THSD7A: variants seen among roughly 807,000 people sequenced by gnomAD.
THSD7A encodes thrombospondin type 1 domain containing 7A, also known as thrombospondin type-1 domain-containing protein 7A.
In THSD7A, 96 loss-of-function variants were observed where a neutral mutation model predicts 231.3. The observed-to-expected ratio is 0.41, with a 90% CI of 0.35 to 0.49. The LOEUF (loss-of-function observed/expected upper bound fraction) is 0.49. THSD7A is among the 20% of genes least tolerant of loss of function. The pLI is 0.05. For missense variants in THSD7A, 2,290 were observed against 2,070.2 expected, an observed-to-expected ratio of 1.11 and a Z score of -2.06; for synonymous variants, 940 against 743.3, an observed-to-expected ratio of 1.26 and a Z score of -4.30.
At chr7:11,699,960 C>G (rs555015552) in intron 1 of THSD7A, among the ~76,000 whole-genome samples, 1 of 151,294 alleles carries the variant, frequency 6.6e-6, no homozygotes, top group Non-Finnish European at 1.5e-5. Context: ...AATCTTTTCA[C>G]TTACTTAAAA....
intron 4 of THSD7A, among the ~76,000 whole-genome samples, chr7:11,550,462 G>A (rs1789580063): frequency 2.6e-5 from 4 of 152,112 alleles, no homozygotes; most frequent in African/African-American, 9.7e-5. Flanking sequence ...GGCAGGAGGC[G>A]AGTGGATCAT....
chr7:11,718,411 G>A (rs938427148), intron 1 of THSD7A, among the ~76,000 whole-genome samples: 2 of 151,612 alleles, frequency 1.3e-5, no homozygotes. Context: ...ATTATCAGAT[G>A]TGTCACAGGC....
At chr7:11,792,338 T>A (rs1316784159) in intron 1 of THSD7A, among the ~76,000 whole-genome samples, 1 of 151,960 alleles carries the variant, frequency 6.6e-6, no homozygotes, top group East Asian at 1.9e-4. Flanking sequence ...TAAATGTCAT[T>A]TTCCTGCTGA....
intron 2 of THSD7A, among the ~76,000 whole-genome samples, chr7:11,620,077 A>T (rs918119878): frequency 6.6e-6 from 1 of 152,188 alleles, no homozygotes. Context: ...TAATGTGATG[A>T]ACTGTCTCAA....
chr7:11,509,711 A>T (rs1484159561), intron 6 of THSD7A, among the ~76,000 whole-genome samples: 4 of 149,920 alleles, frequency 2.7e-5, no homozygotes, highest in African/African-American at 9.8e-5. Flanking sequence ...AGTCCCAGCT[A>T]CTCGGGAGGC....
intron 8 of THSD7A, among the ~76,000 whole-genome samples, chr7:11,472,988 C>T (rs1289801804): frequency 1.3e-5 from 2 of 152,152 alleles, no homozygotes; most frequent in African/African-American, 4.8e-5. Context: ...TTTTAATACA[C>T]TGTACATTAA....
chr7:11,610,540 C>A (rs1387177594), intron 2 of THSD7A, among the ~76,000 whole-genome samples: 1 of 152,046 alleles, frequency 6.6e-6, no homozygotes, highest in African/African-American at 2.4e-5. Flanking sequence ...CTCAATAACT[C>A]CTTAATAAAT....
At chr7:11,397,375 C>G (rs190708091) in intron 23 of THSD7A, among the ~76,000 whole-genome samples, 1 of 152,012 alleles carries the variant, frequency 6.6e-6, no homozygotes. Flanking sequence ...AAACTGAAAC[C>G]GGACCCCTTC....
At chr7:11,462,273 GTCTAAACAT>G (rs1785536023) in intron 9 of THSD7A, 130 bp from the exon 10 acceptor site, 1 of 903,858 alleles carries the variant, frequency 1.1e-6, no homozygotes, top group Non-Finnish European at 1.6e-6. Context: ...GCTTCACCTG[GTCTAAACAT>G]TCACTAAATT....
intron 4 of THSD7A, among the ~76,000 whole-genome samples, chr7:11,570,740 A>T (rs1468162136): frequency 6.6e-6 from 1 of 152,204 alleles, no homozygotes; most frequent in South Asian, 2.1e-4. Flanking sequence ...AACATGCAGG[A>T]AAAAATGTCA....
intron 1 of THSD7A, among the ~76,000 whole-genome samples, chr7:11,665,646 G>A (rs1783101535): frequency 6.6e-6 from 1 of 152,020 alleles, no homozygotes; most frequent in Non-Finnish European, 1.5e-5. Flanking sequence ...TTACTAGCGT[G>A]AGCTCTCTAA....
chr7:11,560,479 C>T (rs1010217747), intron 4 of THSD7A, among the ~76,000 whole-genome samples: 2 of 152,042 alleles, frequency 1.3e-5, no homozygotes. Flanking sequence ...ACTGTGAGAG[C>T]CCTGAAATAT....
chr7:11,754,940 G>A (rs1782624864), intron 1 of THSD7A, among the ~76,000 whole-genome samples: 1 of 151,726 alleles, frequency 6.6e-6, no homozygotes, highest in South Asian at 2.1e-4. Flanking sequence ...GTATTATATA[G>A]TTTATGTTGA....
At chr7:11,755,547 T>C (rs973864687) in intron 1 of THSD7A, among the ~76,000 whole-genome samples, 5 of 151,840 alleles carry the variant, frequency 3.3e-5, no homozygotes, top group East Asian at 1.9e-4. Context: ...TCACCTATGA[T>C]AGAGATAGGG....
intron 4 of THSD7A, among the ~76,000 whole-genome samples, chr7:11,564,193 G>A (rs1486691172): frequency 3.9e-5 from 6 of 152,202 alleles, no homozygotes; most frequent in Non-Finnish European, 8.8e-5. Flanking sequence ...ACTGAAACCT[G>A]AAGAGCATTC....
intron 4 of THSD7A, among the ~76,000 whole-genome samples, chr7:11,546,827 T>TA (rs1256681659): frequency 6.6e-6 from 1 of 152,044 alleles, no homozygotes; most frequent in Non-Finnish European, 1.5e-5. Context: ...AGGAATCCAG[T>TA]AAAAAGATGA....
intron 4 of THSD7A, among the ~76,000 whole-genome samples, chr7:11,554,984 G>GT (rs1789785993): frequency 6.6e-6 from 1 of 151,714 alleles, no homozygotes; most frequent in Admixed American, 6.6e-5. Flanking sequence ...GGTGATTTGT[G>GT]TTTTTTCTTT....
In THSD7A at chr7:11,636,702, T is replaced by C. The variant is rs773122355; in HGVS notation, c.450A>G (p.Glu150=). 1.6e-5 allele frequency: 26 copies of C among 1,613,902 alleles called. No individual in the cohort carries two copies. In the Admixed American group the frequency reaches 4.0e-4, roughly 25 times the overall value. ...LEKPLECIKG[E]EGIQVREIAC... is the part of the protein sequence containing the mutation. ...CTATCTCCCTCACCTGAATACCTTC[T>C]TCCCCCTTAATGCACTCAAGAGGTT... Residue 150 remains glutamate (E), a synonymous_variant, in exon 2 of 28, where the codon GAA becomes GAG. Coordinates refer to ENST00000423059, the MANE Select transcript of THSD7A (RefSeq NM_015204.3). The surrounding 1 kb of genome is among the most constrained non-coding windows in gnomAD (Gnocchi z 10.0).
intron 1 of THSD7A, among the ~76,000 whole-genome samples, chr7:11,759,659 C>T (rs556286436): frequency 1.3e-5 from 2 of 152,106 alleles, no homozygotes; most frequent in East Asian, 3.9e-4. Flanking sequence ...CATATACACA[C>T]ACACGATTAC....
Sources: gnomAD v4.1 joint callset for allele counts (sites outside exome capture counted in the v4.1 genomes callset) on GRCh38, gnomAD v4.1.1 for gene constraint, Gnocchi (gnomAD v3.1) non-coding constraint, MANE v1.5 for transcripts, NCBI Gene and HGNC (gene_info 2026-07-23, HGNC 2026-07-21) for gene names.